Variants in CD160 observed in about 807,000 individuals in gnomAD.
CD160 encodes CD160 molecule.
Under a neutral mutation model 19.2 loss-of-function variants are expected in CD160, and 11 were observed. The ratio of observed to expected loss-of-function variants is 0.57; its 90% CI spans 0.36 to 0.95. The LOEUF (loss-of-function observed/expected upper bound fraction) is 0.95. CD160 is among the 40% of genes least tolerant of loss of function. The pLI is 0.01. For synonymous variants in CD160, 75 were observed against 81.1 expected (o/e 0.93, Z 0.40); for missense variants, 182 against 213.2 (o/e 0.85, Z 0.91).
chr1:145,725,389 A>G (rs1303599787), intron 2 of CD160, among the ~76,000 whole-genome samples: 1 of 152,026 alleles, frequency 6.6e-6, no homozygotes, highest in South Asian at 2.1e-4. Context: ...AAGTTGCAGT[A>G]AGCCAAGATC....
intron 1 of CD160, among the ~76,000 whole-genome samples, chr1:145,720,254 C>T (rs1437926579): frequency 6.6e-6 from 1 of 152,238 alleles, no homozygotes; most frequent in Non-Finnish European, 1.5e-5. Context: ...ACCACACATT[C>T]TTCTAATGTT....
At chr1:145,735,853 A>C (rs1029790764) in intron 4 of CD160, 144 bp from the exon 5 acceptor site, 26 of 627,460 alleles carry the variant, frequency 4.1e-5, no homozygotes, top group Non-Finnish European at 7.0e-5. Flanking sequence ...CATTACCCAC[A>C]ATGTTAAAAA....
At chr1:145,736,429 G>T in intron 5 of CD160, 1 of 551,406 alleles carries the variant, frequency 1.8e-6, no homozygotes. Flanking sequence ...TGCATGAACA[G>T]AGGGCTACAA....
chr1:145,736,964 C>CA (rs1553710278), intron 5 of CD160: 1 of 152,206 alleles, frequency 6.6e-6, no homozygotes, highest in African/African-American at 2.4e-5. Flanking sequence ...AGGAAACAGA[C>CA]ACAAGGAAGT....
intron 3 of CD160, among the ~76,000 whole-genome samples, chr1:145,729,390 C>A: frequency 6.6e-6 from 1 of 152,296 alleles, no homozygotes; most frequent in Non-Finnish European, 1.5e-5. Context: ...AGGGGGCTGG[C>A]AGCCTCAGCA....
At chr1:145,722,988 G>A (rs1656914630) in intron 1 of CD160, among the ~76,000 whole-genome samples, 1 of 152,158 alleles carries the variant, frequency 6.6e-6, no homozygotes, top group Admixed American at 6.5e-5. Context: ...ATGAATAATT[G>A]CAATCCTTCT....
At chr1:145,734,069 A>G (rs1227747207) in intron 4 of CD160, among the ~76,000 whole-genome samples, 1 of 152,102 alleles carries the variant, frequency 6.6e-6, no homozygotes, top group African/African-American at 2.4e-5. Flanking sequence ...TTAACCCCCA[A>G]TTCAGAGAGT....
chr1:145,731,685 CAAGAA>C (rs1320416974), intron 4 of CD160, among the ~76,000 whole-genome samples: 3 of 152,010 alleles, frequency 2.0e-5, no homozygotes, highest in Non-Finnish European at 2.9e-5. Flanking sequence ...AAATAAAAAA[CAAGAA>C]AAGAAAAGAA....
chr1:145,725,816 A>G (rs1657031424), intron 2 of CD160, among the ~76,000 whole-genome samples: 1 of 152,144 alleles, frequency 6.6e-6, no homozygotes, highest in Admixed American at 6.5e-5. Context: ...GGAGATATTA[A>G]CCAACACAAT....
chr1:145,727,080 T>C (rs1657078494), intron 2 of CD160, among the ~76,000 whole-genome samples: 1 of 152,164 alleles, frequency 6.6e-6, no homozygotes, highest in Non-Finnish European at 1.5e-5. Context: ...GTTTTCCCCT[T>C]TTGAATTTTA....
rs1657619492 is a variant in CD160, at chr1:145,739,275, A to C, written c.*782A>C. The C allele has an allele frequency of 6.6e-6, 1 of 152,246 alleles. No homozygotes were observed. Among genetic ancestry groups the C allele is most frequent in the African/African-American group, 2.4e-5 (1 of 41,458 alleles). The allele number at this position is 152,246 out of a possible 1,614,324, so 9.4% of individuals were successfully genotyped here. On this transcript the variant is annotated 3_prime_UTR_variant, in exon 6 of 6. Coordinates refer to ENST00000369288, the MANE Select transcript of CD160 (RefSeq NM_007053.4). ...TATTCCTGATAGGAGGAACTACATG[A>C]ATAAAGGGGTAAGAGCACAGAAATT... is the stretch of plus-strand genomic sequence containing the variant.
At chr1:145,738,456 A>G (rs1553710553) in intron 5 of CD160, 30 bp from the exon 6 acceptor site, 4 of 1,314,564 alleles carry the variant, frequency 3.0e-6, no homozygotes. Context: ...TCTAAGTTAT[A>G]AGGCAGTAAT....
chr1:145,733,327 C>G (rs1035656243), intron 4 of CD160, among the ~76,000 whole-genome samples: 1 of 151,986 alleles, frequency 6.6e-6, no homozygotes. Flanking sequence ...TTAGTTGAGA[C>G]GGGGTTTTGC....
At chr1:145,734,351 C>T (rs1156650618) in intron 4 of CD160, among the ~76,000 whole-genome samples, 1 of 152,224 alleles carries the variant, frequency 6.6e-6, no homozygotes. Flanking sequence ...ATCCATTCTA[C>T]ATACTACCAC....
chr1:145,728,156 C>T, intron 2 of CD160, 100 bp from the exon 3 acceptor site: 1 of 588,716 alleles, frequency 1.7e-6, no homozygotes, highest in Non-Finnish European at 3.1e-6. Flanking sequence ...CCCTCCTCTA[C>T]CTCCATCATA....
Position 145,738,642 on chromosome 1 carries a change from T to A in CD160, c.*149T>A, listed in dbSNP as rs2231376. ...AATATACCAAGAATCTGTGGAAATATAAGCTGGGGCAAATCAGTGTAATCC... is the reference window on the plus strand; with the variant it reads ...AATATACCAAGAATCTGTGGAAATAAAAGCTGGGGCAAATCAGTGTAATCC... On this transcript the variant is annotated 3_prime_UTR_variant, in exon 6 of 6. Coordinates refer to ENST00000369288, the MANE Select transcript of CD160 (RefSeq NM_007053.4). 1.0e-5 allele frequency: 5 copies of A among 499,144 alleles called. No homozygotes were observed. Among genetic ancestry groups the A allele is most frequent in the Non-Finnish European group, 1.7e-5 (5 of 296,480 alleles). The allele number at this position is 499,144 out of a possible 1,614,324, so 30.9% of individuals were successfully genotyped here.
rs1553709149 is a variant in CD160, at chr1:145,731,001, C to A, written c.331C>A (p.Gln111Lys). The change falls in exon 4 of 6, where the codon CAG becomes AAG. Residue 111 changes from glutamine (Q) to lysine (K), a missense_variant. Physicochemically the swap from Gln to Lys is moderately conservative, Grantham distance 53 (BLOSUM62 1). Coordinates refer to ENST00000369288, the MANE Select transcript of CD160 (RefSeq NM_007053.4). ...QVTPLHSGTY[Q>K]CCARSQKSGI... ...CACACCGTTGCACAGTGGGACCTAC[C>A]AGTGTTGTGCCAGAAGCCAGAAGTC... 6.2e-7 allele frequency: 1 copy of A among 1,614,102 alleles called. No homozygotes were observed.
At chr1:145,724,724 A>G (rs1181707147) in intron 1 of CD160, 77 bp from the exon 2 acceptor site, 5 of 152,156 alleles carry the variant, frequency 3.3e-5, no homozygotes, top group Non-Finnish European at 7.3e-5. Context: ...GTCATGGTGT[A>G]TTATATTTTT....
rs1553709015 is a variant in CD160 at position 145,730,745 on chromosome 1, A to G, written c.75A>G (p.Gly25=). 2 of 1,610,406 alleles carry G rather than the reference A, an allele frequency of 1.2e-6. No homozygotes were observed. The highest frequency in any genetic ancestry group is 1.7e-6 in the Non-Finnish European group (2 of 1,179,374). ...GTAATTCTTCCCTTTCCATTCCAGG[A>G]TGCATTAACATCACCAGCTCAGCTT... ...LLAIVDIQSG[G]CINITSSASQ... is the part of the protein sequence containing the mutation. Residue 25 remains glycine (G), a splice_region_variant and synonymous_variant, in exon 4 of 6, where the codon GGA becomes GGG. Coordinates refer to ENST00000369288, the MANE Select transcript of CD160 (RefSeq NM_007053.4).
Sources: allele counts gnomAD v4.1 joint callset (sites outside exome capture counted in the v4.1 genomes callset), GRCh38; gene constraint gnomAD v4.1.1; transcripts MANE v1.5; gene names NCBI Gene and HGNC (gene_info 2026-07-23, HGNC 2026-07-21).